Variants in SDHAF2 observed in about 807,000 individuals in gnomAD.
The protein encoded by SDHAF2 is succinate dehydrogenase complex assembly factor 2, also known as succinate dehydrogenase assembly factor 2, mitochondrial.
Under a neutral mutation model 18.5 loss-of-function variants are expected in SDHAF2, and 21 were observed. The ratio of observed to expected loss-of-function variants is 1.13; its 90% CI spans 0.80 to 1.63. The LOEUF is 1.63. SDHAF2 is among the 40% of genes most tolerant of loss of function. SDHAF2 has a pLI of 0.00. For missense variants in SDHAF2, 195 were observed against 200.3 expected, an observed-to-expected ratio of 0.97 and a Z score of 0.16; for synonymous variants, 84 against 70.7, an observed-to-expected ratio of 1.19 and a Z score of -0.94.
chr11:61,446,067 G>A lies in SDHAF2; in HGVS notation c.497G>A (p.Arg166His), dbSNP rs768048172. Residue 166 changes from arginine to histidine, a missense_variant, in exon 4 of 4, where the codon CGT (arginine) becomes CAT (histidine). Physicochemically the swap from Arg to His is conservative, Grantham distance 29. Transcript: ENST00000301761. ...CTTGAGTACCTCTTTGAAAAGCCAC[G>A]TTGAGCTGTGCTCCACGGCCTGGCA... The part of the protein sequence containing the change: ...PDLEYLFEKP[R>H] The A allele has an allele frequency of 1.1e-5, 18 of 1,614,180 alleles. No homozygotes were observed. The highest frequency in any genetic ancestry group is 1.7e-5 in the Admixed American group (1 of 60,028).
intron 3 of SDHAF2, among the ~76,000 whole-genome samples, chr11:61,441,253 C>T (rs1482648575): frequency 1.3e-5 from 2 of 152,132 alleles, no homozygotes; most frequent in African/African-American, 4.8e-5. Context: ...TCAAACTCAA[C>T]CAGACGCGGT....
At chr11:61,445,760 A>G (rs917707758) in intron 3 of SDHAF2, among the ~76,000 whole-genome samples, 181 bp from the exon 4 acceptor site, 3 of 152,224 alleles carry the variant, frequency 2.0e-5, no homozygotes, top group Non-Finnish European at 4.4e-5. Flanking sequence ...ACTTGCAAAT[A>G]TAGGCTCACA....
At chr11:61,434,774 G>C (rs942966805) in intron 1 of SDHAF2, 1 of 148,846 alleles carries the variant, frequency 6.7e-6, no homozygotes, top group Non-Finnish European at 1.5e-5. Flanking sequence ...CTGTTGCCCA[G>C]GCTGGAGTGC....
intron 3 of SDHAF2, among the ~76,000 whole-genome samples, chr11:61,440,140 C>T (rs1007798184): frequency 2.0e-5 from 3 of 151,912 alleles, no homozygotes; most frequent in Non-Finnish European, 2.9e-5. Flanking sequence ...CATGACAATA[C>T]CCCGTCTCTA....
chr11:61,437,643 C>T lies in SDHAF2; in HGVS notation c.55C>T (p.His19Tyr). Residue 19 changes from histidine (H) to tyrosine (Y), a missense_variant, in exon 2 of 4, where the codon CAC becomes TAC. Transcript: ENST00000301761. Reference protein sequence around the residue: ...TSSLMLALSRHSLLSPLLSVT... With the variant: ...TSSLMLALSRYSLLSPLLSVT... ...ATTTCAGATGCTTGCTCTGTCAAGGCACAGCCTATTGTCTCCTTTGCTCAG... is the reference window on the plus strand; with the variant it reads ...ATTTCAGATGCTTGCTCTGTCAAGGTACAGCCTATTGTCTCCTTTGCTCAG... 1 of 1,614,084 alleles carries T rather than the reference C, an allele frequency of 6.2e-7. No individual in the cohort carries two copies. Among genetic ancestry groups the T allele is most frequent in the Non-Finnish European group, 8.5e-7 (1 of 1,179,916 alleles).
chr11:61,437,790 G>A lies in SDHAF2; in HGVS notation c.202G>A (p.Ala68Thr), dbSNP rs2134892420. The A allele has an allele frequency of 6.2e-7, 1 of 1,614,128 alleles. No individual in the cohort carries two copies. Among genetic ancestry groups the A allele is most frequent in the South Asian group, 1.1e-5 (1 of 91,076 alleles). The stretch of plus-strand genomic sequence containing the variant: ...TGATGAATCCATAGAAACCAAAAGA[G>A]CCCGCCTGCTCTATGAGAGCAGAAA... ...RTDESIETKRARLLYESRKRG... is the reference protein window; with the variant it reads ...RTDESIETKRTRLLYESRKRG... The change falls in exon 2 of 4, where the codon GCC becomes ACC. Residue 68 changes from alanine (A) to threonine (T), a missense_variant. Coordinates refer to ENST00000301761, the MANE Select transcript of SDHAF2 (RefSeq NM_017841.4).
chr11:61,430,416 A>G (rs1861855650), intron 1 of SDHAF2: 2 of 594,396 alleles, frequency 3.4e-6, no homozygotes, highest in South Asian at 2.1e-5. Flanking sequence ...TCATCGTCCA[A>G]GACCCAATTC....
chr11:61,441,078 TCCC>T lies in SDHAF2; in HGVS notation c.370+2966_370+2968del, dbSNP rs1219657976. ...CTGGGCTTGGTGGTGCACACTGTAT[TCCC>T]AGCTACTTGGGAGGATCACTTGAGC... On this transcript the variant is annotated intron_variant, in intron 3 of 3. Transcript: ENST00000301761. Among the ~76,000 whole-genome samples the T allele has an allele frequency of 2.6e-5, 4 of 152,038 alleles. No individual in the cohort carries two copies. In the East Asian group the frequency reaches 7.7e-4, roughly 29 times the overall value.
Position 61,445,929 on chromosome 11 carries a change from C to G in SDHAF2, c.371-12C>G, listed in dbSNP as rs771792041. 10 of 1,614,048 alleles carry G rather than the reference C, an allele frequency of 6.2e-6. No individual in the cohort carries two copies. The highest frequency in any genetic ancestry group is 8.5e-6 in the Non-Finnish European group (10 of 1,180,038). ...TATGGCATAATTTTTTCTGCCCACT[C>G]TTCTCTTGCAGAAGCTAAACCAGCC... On this transcript the variant is annotated splice_polypyrimidine_tract_variant and intron_variant, in intron 3 of 3. Coordinates refer to ENST00000301761, the MANE Select transcript of SDHAF2 (RefSeq NM_017841.4).
intron 1 of SDHAF2, among the ~76,000 whole-genome samples, chr11:61,436,553 G>A (rs1190530894): frequency 1.3e-5 from 2 of 152,164 alleles, no homozygotes; most frequent in African/African-American, 2.4e-5. Context: ...CCCCCCAAAA[G>A]TCCGAACATT....
At chr11:61,434,158 C>T (rs1861965903) in intron 1 of SDHAF2, 1 of 151,348 alleles carries the variant, frequency 6.6e-6, no homozygotes, top group East Asian at 1.9e-4. Flanking sequence ...CCACTTCTTT[C>T]CCCAACTTTG....
rs780011085 is a variant in SDHAF2, at chr11:61,430,194, G to C, written c.36+12G>C. The C allele has an allele frequency of 4.3e-6, 7 of 1,614,220 alleles. No homozygotes were observed. Among genetic ancestry groups the C allele is most frequent in the South Asian group, 1.1e-5 (1 of 91,070 alleles). On this transcript the variant is annotated intron_variant, in intron 1 of 3. Transcript: ENST00000301761. ...CGACTTCGTCGCTGGTGAGGAGAGAGAACGTTCTAGCGTCCGGGGCGGGCG... is the reference window on the plus strand; with the variant it reads ...CGACTTCGTCGCTGGTGAGGAGAGACAACGTTCTAGCGTCCGGGGCGGGCG...
In SDHAF2 at chr11:61,437,636, G is replaced by A. The variant is rs1862009210; in HGVS notation, c.48G>A (p.Leu16=). ...TTTGTTCATTTCAGATGCTTGCTCTGTCAAGGCACAGCCTATTGTCTCCTT... is the reference window on the plus strand; with the variant it reads ...TTTGTTCATTTCAGATGCTTGCTCTATCAAGGCACAGCCTATTGTCTCCTT... The part of the protein sequence containing the change: ...VFSTSSLMLA[L]SRHSLLSPLL... The change falls in exon 2 of 4, where the codon CTG becomes CTA. Residue 16 remains leucine (L), a synonymous_variant. Transcript: ENST00000301761. 1 of 1,614,060 alleles carries A rather than the reference G, an allele frequency of 6.2e-7. No homozygotes were observed. The highest frequency in any genetic ancestry group is 1.3e-5 in the African/African-American group (1 of 75,036).
chr11:61,439,780 T>G (rs1007705136), intron 3 of SDHAF2, among the ~76,000 whole-genome samples: 4 of 152,242 alleles, frequency 2.6e-5, no homozygotes, highest in Non-Finnish European at 4.4e-5. Flanking sequence ...TATCAATAGT[T>G]CATTCTTTTG....
At chr11:61,432,840 ACT>A (rs1442347338) in intron 1 of SDHAF2, 2 of 150,806 alleles carry the variant, frequency 1.3e-5, no homozygotes, top group African/African-American at 4.9e-5. Context: ...GCATACAAAA[ACT>A]CTGCTCTTTT....
rs758457027 is a variant in SDHAF2, at chr11:61,446,377, C to G, written c.*306C>G. The G allele has an allele frequency of 1.7e-6, 1 of 597,836 alleles. No individual in the cohort carries two copies. Among genetic ancestry groups the G allele is most frequent in the South Asian group, 2.0e-5 (1 of 49,494 alleles). The allele number at this position is 597,836 out of a possible 1,614,324, so 37.0% of individuals were successfully genotyped here. On this transcript the variant is annotated 3_prime_UTR_variant, in exon 4 of 4. Transcript: ENST00000301761. ...CCACGAGAGGGCACTGCAGGCGAAG[C>G]AGTTGTGCTTGCTCATTGCCTCAGC...
Position 61,438,034 on chromosome 11 carries a change from G to A in SDHAF2, c.291G>A (p.Met97Ile). Reference protein sequence around the residue: ...SLFAKEHLQHMTEKQLNLYDR... With the variant: ...SLFAKEHLQHITEKQLNLYDR... The stretch of plus-strand genomic sequence containing the variant: ...TTGCTAAAGAACATCTGCAGCACAT[G>A]ACAGAAAAGCAGCTGAACCTCTATG... The change falls in exon 3 of 4, where the codon ATG (methionine) becomes ATA (isoleucine). Residue 97 changes from methionine (M) to isoleucine (I), a missense_variant. Coordinates refer to ENST00000301761, the MANE Select transcript of SDHAF2 (RefSeq NM_017841.4). 1 of 1,613,938 alleles carries A rather than the reference G, an allele frequency of 6.2e-7. No individual in the cohort carries two copies. Among genetic ancestry groups the A allele is most frequent in the Non-Finnish European group, 8.5e-7 (1 of 1,180,010 alleles).
In SDHAF2 at chr11:61,446,144, T is replaced by TTCC; in HGVS notation, c.*74_*76dup. On this transcript the variant is annotated 3_prime_UTR_variant, in exon 4 of 4. Coordinates refer to ENST00000301761, the MANE Select transcript of SDHAF2 (RefSeq NM_017841.4). ...TACTTATGATGGACGTTAGCCTTGC[T>TTCC]TCCGGCTTCTTAGATGCCCAGCTGC... 2 of 1,581,438 alleles carry TTCC rather than the reference T, an allele frequency of 1.3e-6. No homozygotes were observed. The highest frequency in any genetic ancestry group is 1.7e-6 in the Non-Finnish European group (2 of 1,153,952).
At chr11:61,442,607 G>A (rs1453730848) in intron 3 of SDHAF2, among the ~76,000 whole-genome samples, 1 of 152,050 alleles carries the variant, frequency 6.6e-6, no homozygotes, top group Non-Finnish European at 1.5e-5. Context: ...TTGGATCTGT[G>A]TTTTCATATC....
Sources: gnomAD v4.1 joint callset for allele counts (sites outside exome capture counted in the v4.1 genomes callset) on GRCh38, gnomAD v4.1.1 for gene constraint, MANE v1.5 for transcripts, NCBI Gene and HGNC (gene_info 2026-07-23, HGNC 2026-07-21) for gene names.